Variants in MACROD2 observed in about 807,000 individuals in gnomAD.
The protein encoded by MACROD2 is ADP-ribose glycohydrolase MACROD2.
In MACROD2, 36 loss-of-function variants were observed where a neutral mutation model predicts 70.4. The ratio of observed to expected loss-of-function variants is 0.51; its 90% CI spans 0.39 to 0.68. The LOEUF is 0.68. Ranked by LOEUF, MACROD2 falls within the 30% of genes least tolerant of loss-of-function variation. MACROD2 has a pLI of 0.00. For synonymous variants in MACROD2, 172 were observed against 178.8 expected, an observed-to-expected ratio of 0.96 and a Z score of 0.30; for missense variants, 496 against 538.4, an observed-to-expected ratio of 0.92 and a Z score of 0.78.
rs386393390 is a variant in MACROD2 at position 15,050,533 on chromosome 20, C to CTTTTTTTTTTT, written c.419-179391_419-179381dup. Among the ~76,000 whole-genome samples the CTTTTTTTTTTT allele has an allele frequency of 2.4e-4, 19 of 77,900 alleles. 1 individual carries two copies. The highest frequency in any genetic ancestry group is 7.5e-4 in the African/African-American group (12 of 16,048). The allele number at this position is 77,900 out of a possible 152,430, so 51.1% of individuals were successfully genotyped here. On this transcript the variant is annotated intron_variant, in intron 5 of 17. Transcript: ENST00000684519. ...GTCTTTTTACACTTTCTATTTAGGT[C>CTTTTTTTTTTT]TTTTTTTTTTTTTTTTTTTTTTTTT...
intron 5 of MACROD2, among the ~76,000 whole-genome samples, chr20:15,217,505 C>T (rs1170133264): frequency 2.6e-5 from 4 of 152,128 alleles, no homozygotes; most frequent in Admixed American, 6.5e-5. Flanking sequence ...TGATATCATG[C>T]TGTCTGATAA....
chr20:15,102,788 A>C (rs968426253), intron 5 of MACROD2, among the ~76,000 whole-genome samples: 13 of 152,046 alleles, frequency 8.6e-5, no homozygotes, highest in Non-Finnish European at 1.6e-4. Flanking sequence ...GAAACAACCC[A>C]AATGTGGCAG....
At chr20:15,539,081 C>CT (rs1439866575) in intron 8 of MACROD2, among the ~76,000 whole-genome samples, 2 of 151,978 alleles carry the variant, frequency 1.3e-5, no homozygotes, top group East Asian at 1.9e-4. Flanking sequence ...GTTTTTTCAT[C>CT]TTTTTTTCTG....
intron 3 of MACROD2, among the ~76,000 whole-genome samples, chr20:14,461,118 A>G (rs1266229198): frequency 6.6e-6 from 1 of 151,996 alleles, no homozygotes; most frequent in Non-Finnish European, 1.5e-5. Flanking sequence ...TTATTGGTCT[A>G]TTCAGGGATT....
rs139099434 is a variant in MACROD2, at chr20:14,092,969, C to G, written c.271+7241C>G. On this transcript the variant is annotated intron_variant, in intron 3 of 17. Coordinates refer to ENST00000684519, the MANE Select transcript of MACROD2 (RefSeq NM_001351661.2). ...AAAAGCACTGGTGCTCAAGCTAGAG[C>G]AGCTGCTTTCTTCCTGAGCAGTTTT... is the stretch of plus-strand genomic sequence containing the variant. Among the ~76,000 whole-genome samples the G allele has an allele frequency of 6.6e-5, 10 of 152,332 alleles. No homozygotes were observed. The East Asian group carries it at 1.9e-3, about 29-fold the overall frequency.
chr20:15,618,294 G>T (rs2049069941), intron 8 of MACROD2, among the ~76,000 whole-genome samples: 1 of 151,982 alleles, frequency 6.6e-6, no homozygotes, highest in Non-Finnish European at 1.5e-5. Context: ...AGAACCAGAG[G>T]AGCTGTTTGC....
intron 3 of MACROD2, among the ~76,000 whole-genome samples, chr20:14,436,417 G>A (rs569010605): frequency 4.7e-4 from 71 of 152,022 alleles, no homozygotes; most frequent in Non-Finnish European, 8.7e-4. Flanking sequence ...CACCTTTTCC[G>A]AAATACTTAA....
chr20:14,980,593 T>C (rs2074788014), intron 5 of MACROD2, among the ~76,000 whole-genome samples: 1 of 152,184 alleles, frequency 6.6e-6, no homozygotes, highest in Non-Finnish European at 1.5e-5. Flanking sequence ...TGACAACTTA[T>C]GTAATTGGCC....
At chr20:15,283,158 T>C (rs1212352443) in intron 6 of MACROD2, among the ~76,000 whole-genome samples, 1 of 152,148 alleles carries the variant, frequency 6.6e-6, no homozygotes, top group Non-Finnish European at 1.5e-5. Flanking sequence ...TTTTGACACA[T>C]TGGGATTATG....
intron 3 of MACROD2, among the ~76,000 whole-genome samples, chr20:14,233,598 G>A (rs1380956507): frequency 6.7e-6 from 1 of 150,348 alleles, no homozygotes; most frequent in Non-Finnish European, 1.5e-5. Flanking sequence ...TCGGGAGGCT[G>A]AGGCAGGAGA....
intron 5 of MACROD2, among the ~76,000 whole-genome samples, chr20:15,081,092 G>A (rs2075699740): frequency 6.6e-6 from 1 of 152,050 alleles, no homozygotes; most frequent in South Asian, 2.1e-4. Context: ...ATGAGAATTG[G>A]CAGACTATGA....
At chr20:14,534,084 A>T (rs992537892) in intron 4 of MACROD2, among the ~76,000 whole-genome samples, 1 of 152,218 alleles carries the variant, frequency 6.6e-6, no homozygotes, top group Non-Finnish European at 1.5e-5. Flanking sequence ...AAGGACATTT[A>T]GGCTCTATCT....
intron 3 of MACROD2, among the ~76,000 whole-genome samples, chr20:14,415,806 T>A (rs1253952523): frequency 3.3e-5 from 5 of 152,156 alleles, no homozygotes; most frequent in Non-Finnish European, 7.4e-5. Flanking sequence ...TTCCTGGTAG[T>A]CTTAGGAAAG....
At chr20:14,674,847 T>A (rs926077713) in intron 4 of MACROD2, among the ~76,000 whole-genome samples, 1 of 152,220 alleles carries the variant, frequency 6.6e-6, no homozygotes, top group Non-Finnish European at 1.5e-5. Flanking sequence ...GAGATACATA[T>A]TCAATGAGCG....
chr20:15,700,396 T>C (rs1464028516), intron 8 of MACROD2, among the ~76,000 whole-genome samples: 1 of 152,212 alleles, frequency 6.6e-6, no homozygotes, highest in African/African-American at 2.4e-5. Context: ...ATCTGTTCCC[T>C]TGGGGCGTGG....
intron 4 of MACROD2, among the ~76,000 whole-genome samples, chr20:14,680,160 G>GGA (rs1260539326): frequency 2.6e-5 from 4 of 152,196 alleles, no homozygotes; most frequent in Admixed American, 1.3e-4. Context: ...ATGCCAGAAA[G>GGA]GAGAGAGTCA....
At chr20:15,247,724 G>A (rs1217887241) in intron 6 of MACROD2, among the ~76,000 whole-genome samples, 1 of 151,468 alleles carries the variant, frequency 6.6e-6, no homozygotes, top group Non-Finnish European at 1.5e-5. Flanking sequence ...TTGAGACTGA[G>A]TCTCACTCTG....
intron 8 of MACROD2, among the ~76,000 whole-genome samples, chr20:15,573,356 T>C (rs896215318): frequency 1.3e-5 from 2 of 152,184 alleles, no homozygotes; most frequent in Non-Finnish European, 2.9e-5. Flanking sequence ...GCAAGTTCAT[T>C]GTAAGAAGGG....
At chr20:15,912,205 T>C (rs2065247941) in intron 10 of MACROD2, among the ~76,000 whole-genome samples, 1 of 152,238 alleles carries the variant, frequency 6.6e-6, no homozygotes, top group South Asian at 2.1e-4. Flanking sequence ...CTCTGGATTG[T>C]CTGGTAACCT....
Sources: gnomAD v4.1 joint callset for allele counts (sites outside exome capture counted in the v4.1 genomes callset) on GRCh38, gnomAD v4.1.1 for gene constraint, MANE v1.5 for transcripts, NCBI Gene and HGNC (gene_info 2026-07-23, HGNC 2026-07-21) for gene names.